CFAP20DC: variants seen among roughly 807,000 people sequenced by gnomAD.
CFAP20DC encodes CFAP20 domain containing, also known as protein CFAP20DC.
Under a neutral mutation model 101.7 loss-of-function variants are expected in CFAP20DC, and 84 were observed. The observed-to-expected ratio is 0.83, with a 90% CI of 0.69 to 0.99. The LOEUF (loss-of-function observed/expected upper bound fraction) is 0.99. Among genes scored for constraint, CFAP20DC ranks in the 50% least tolerant of loss-of-function variants. The probability of loss-of-function intolerance (pLI) is 0.00; values close to 1 mark genes in which losing one functional copy is unlikely to be tolerated. For synonymous variants in CFAP20DC, 359 were observed against 351.2 expected, an observed-to-expected ratio of 1.02 and a Z score of -0.25; for missense variants, 1,007 against 970.3, an observed-to-expected ratio of 1.04 and a Z score of -0.50.
intron 14 of CFAP20DC, among the ~76,000 whole-genome samples, chr3:58,807,556 AC>A (rs1298693034): frequency 4.6e-5 from 7 of 152,100 alleles, no homozygotes; most frequent in Non-Finnish European, 8.8e-5. Flanking sequence ...CCATACCAAA[AC>A]CCCATCTGTA....
intron 15 of CFAP20DC, among the ~76,000 whole-genome samples, chr3:58,769,467 C>G (rs1388886341): frequency 2.0e-5 from 3 of 152,102 alleles, no homozygotes; most frequent in Non-Finnish European, 2.9e-5. Flanking sequence ...ATTGAATTCT[C>G]AATAAATGTT....
intron 4 of CFAP20DC, among the ~76,000 whole-genome samples, chr3:58,986,038 C>T (rs1023984425): frequency 6.6e-6 from 1 of 152,144 alleles, no homozygotes; most frequent in African/African-American, 2.4e-5. Flanking sequence ...TTTTGGCTAA[C>T]CATTTGTTTT....
chr3:58,962,813 G>A (rs1039390767), intron 4 of CFAP20DC, among the ~76,000 whole-genome samples: 2 of 152,056 alleles, frequency 1.3e-5, no homozygotes, highest in African/African-American at 2.4e-5. Flanking sequence ...GCTCTTTTCA[G>A]TCTCTCCAGA....
At chr3:59,034,325 G>A (rs2094053778) in intron 4 of CFAP20DC, among the ~76,000 whole-genome samples, 2 of 152,104 alleles carry the variant, frequency 1.3e-5, no homozygotes, top group Non-Finnish European at 2.9e-5. Context: ...ATAATGACAG[G>A]ATCAAATTCA....
Position 58,968,782 on chromosome 3 carries a change from C to T in CFAP20DC, c.279-31020G>A, listed in dbSNP as rs114744714. On this transcript the variant is annotated intron_variant, in intron 4 of 16. Coordinates refer to ENST00000482387, the MANE Select transcript of CFAP20DC (RefSeq NM_001394063.1). ...GTGTCTTTGTCATGAAATCTTTGCC[C>T]GTTCCTATATCCAGGATAATATTGC... is the stretch of plus-strand genomic sequence containing the variant. Among the ~76,000 whole-genome samples, 440 of 152,158 alleles carry T rather than the reference C, an allele frequency of 2.9e-3. 4 individuals carry two copies. Among genetic ancestry groups the T allele is most frequent in the African/African-American group, 0.01 (424 of 41,520 alleles).
chr3:58,901,633 A>T (rs566240693), intron 6 of CFAP20DC, among the ~76,000 whole-genome samples: 1 of 152,348 alleles, frequency 6.6e-6, no homozygotes, highest in African/African-American at 2.4e-5. Flanking sequence ...ACATCTTACT[A>T]AGTGATTTTT....
chr3:58,923,550 A>G (rs1273345175), intron 5 of CFAP20DC, among the ~76,000 whole-genome samples: 1 of 152,198 alleles, frequency 6.6e-6, no homozygotes, highest in Admixed American at 6.5e-5. Flanking sequence ...CCATTCCATT[A>G]TCTTCTTATT....
intron 15 of CFAP20DC, among the ~76,000 whole-genome samples, chr3:58,766,938 T>C (rs2070373471): frequency 6.6e-6 from 1 of 152,224 alleles, no homozygotes. Context: ...TTCAATCTAG[T>C]CGAGCTCCTT....
chr3:58,984,281 A>G (rs191800513), intron 4 of CFAP20DC, among the ~76,000 whole-genome samples: 2 of 152,342 alleles, frequency 1.3e-5, no homozygotes, highest in East Asian at 3.9e-4. Context: ...TTGTGACACT[A>G]TATTTGTCAG....
At chr3:58,842,384 G>A (rs908617277) in intron 13 of CFAP20DC, among the ~76,000 whole-genome samples, 1 of 152,084 alleles carries the variant, frequency 6.6e-6, no homozygotes, top group Non-Finnish European at 1.5e-5. Flanking sequence ...TTCCCTTTCC[G>A]AGTCAAAGAA....
At chr3:58,785,687 A>G (rs1274827622) in intron 15 of CFAP20DC, among the ~76,000 whole-genome samples, 1 of 152,140 alleles carries the variant, frequency 6.6e-6, no homozygotes, top group African/African-American at 2.4e-5. Context: ...CCTCCCTCCC[A>G]TAACGGGTTT....
chr3:58,793,966 A>G (rs954902861), intron 15 of CFAP20DC, among the ~76,000 whole-genome samples: 2 of 152,186 alleles, frequency 1.3e-5, no homozygotes, highest in African/African-American at 4.8e-5. Flanking sequence ...TTTTTAGTTT[A>G]TTAGTTCTGC....
chr3:58,857,515 T>C (rs1171496561), intron 12 of CFAP20DC, among the ~76,000 whole-genome samples: 1 of 152,228 alleles, frequency 6.6e-6, no homozygotes, highest in Non-Finnish European at 1.5e-5. Context: ...TGTACCCTGA[T>C]GAGCATTCTC....
At chr3:58,959,646 A>C (rs1033092969) in intron 4 of CFAP20DC, among the ~76,000 whole-genome samples, 6 of 152,200 alleles carry the variant, frequency 3.9e-5, no homozygotes, top group African/African-American at 1.4e-4. Context: ...TGCCAGTAAC[A>C]TACTAACTTG....
chr3:58,747,532 G>A (rs896388705), intron 16 of CFAP20DC, among the ~76,000 whole-genome samples: 26 of 152,214 alleles, frequency 1.7e-4, no homozygotes, highest in African/African-American at 6.0e-4. Flanking sequence ...CATTGAACTG[G>A]ATTTTCGATT....
intron 4 of CFAP20DC, among the ~76,000 whole-genome samples, chr3:58,946,963 T>C (rs1332652324): frequency 6.6e-6 from 1 of 152,186 alleles, no homozygotes; most frequent in Non-Finnish European, 1.5e-5. Context: ...ATATTTACAT[T>C]TTACCAATGT....
At chr3:58,780,132 A>G (rs2071690746) in intron 15 of CFAP20DC, among the ~76,000 whole-genome samples, 1 of 152,132 alleles carries the variant, frequency 6.6e-6, no homozygotes, top group Admixed American at 6.5e-5. Context: ...TCATAAATGA[A>G]AGAGAAGTAA....
At chr3:58,836,998 C>T (rs545045526) in intron 13 of CFAP20DC, among the ~76,000 whole-genome samples, 10 of 152,186 alleles carry the variant, frequency 6.6e-5, no homozygotes, top group South Asian at 6.2e-4. Flanking sequence ...TATGGCAGCA[C>T]GTTCCAGCCA....
Position 58,788,101 on chromosome 3 carries a change from C to G in CFAP20DC, c.2237+18294G>C, listed in dbSNP as rs1465686783. 1.3e-5 allele frequency among the ~76,000 whole-genome samples: 2 copies of G among 151,464 alleles called. No homozygotes were observed. Among genetic ancestry groups the G allele is most frequent in the Non-Finnish European group, 2.9e-5 (2 of 67,878 alleles). On this transcript the variant is annotated intron_variant, in intron 15 of 16. Coordinates refer to ENST00000482387, the MANE Select transcript of CFAP20DC (RefSeq NM_001394063.1). This position sits in a 1 kb window ranked among gnomAD's most constrained non-coding sequence, Gnocchi z 4.2. ...TGTATACCTATACATATATAACAAA[C>G]CTGCATGTTCTGCACATTTGTCCCA... is the stretch of plus-strand genomic sequence containing the variant.
Sources: gnomAD v4.1 joint callset for allele counts (sites outside exome capture counted in the v4.1 genomes callset) on GRCh38, gnomAD v4.1.1 for gene constraint, Gnocchi (gnomAD v3.1) non-coding constraint, MANE v1.5 for transcripts, NCBI Gene and HGNC (gene_info 2026-07-23, HGNC 2026-07-21) for gene names.